The following DRC7 variants were observed in gnomAD, a reference collection of about 807,000 sequenced individuals.
The protein encoded by DRC7 is dynein regulatory complex subunit 7, also known as coiled-coil domain containing 135.
DRC7 carries 80 observed loss-of-function variants against 104.4 expected under a neutral mutation model. That is an observed-to-expected ratio of 0.77 (90% CI 0.64 to 0.92). The LOEUF is 0.92. DRC7 is among the 40% of genes least tolerant of loss of function. DRC7 has a pLI of 0.00. For missense variants in DRC7, 1,034 were observed against 1,141.1 expected (o/e 0.91, Z 1.35); for synonymous variants, 405 against 447.3 (o/e 0.91, Z 1.19).
At chr16:57,720,688 A>G (rs1597807605) in intron 9 of DRC7, among the ~76,000 whole-genome samples, 2 of 152,150 alleles carry the variant, frequency 1.3e-5, no homozygotes, top group African/African-American at 4.8e-5. Flanking sequence ...CATCTTAGAG[A>G]TTTTTGACAA....
intron 18 of DRC7, 25 bp downstream of exon 18, chr16:57,731,095 G>C (rs1223273127): frequency 1.4e-5 from 23 of 1,613,574 alleles, no homozygotes; most frequent in Non-Finnish European, 1.9e-5. Context: ...CAGGTGGAGA[G>C]AACCCACTGG....
chr16:57,699,202 A>T (rs1211803534), intron 4 of DRC7, among the ~76,000 whole-genome samples, 178 bp downstream of exon 4: 1 of 152,202 alleles, frequency 6.6e-6, no homozygotes, highest in Non-Finnish European at 1.5e-5. Context: ...CAGCAGGCTC[A>T]GTGCAGATTA....
intron 5 of DRC7, among the ~76,000 whole-genome samples, chr16:57,700,816 GTTCCTCACAGGCTGAGTACTATGGGGT>G (rs1276377004): frequency 6.6e-6 from 1 of 152,080 alleles, no homozygotes; most frequent in Non-Finnish European, 1.5e-5. Flanking sequence ...CCCTCCCCTG[GTTCCTCACAGGCTGAGTACTATGGGGT>G]CACAATCTTC....
intron 8 of DRC7, 51 bp from the exon 9 acceptor site, chr16:57,718,296 G>A (rs2048866005): frequency 6.3e-7 from 1 of 1,598,124 alleles, no homozygotes; most frequent in Admixed American, 1.7e-5. Context: ...GATCAGGTGG[G>A]GACGTGGTGG....
chr16:57,698,317 T>C (rs1312505748), intron 3 of DRC7, among the ~76,000 whole-genome samples, 165 bp downstream of exon 3: 1 of 152,008 alleles, frequency 6.6e-6, no homozygotes, highest in Non-Finnish European at 1.5e-5. Flanking sequence ...CGAGTGTCCA[T>C]GCTCTCCCAA....
At position 57,698,985 on chromosome 16, in the gene DRC7, G is replaced by C. The variant is rs149537030; in HGVS notation, c.339G>C (p.Val113=). 570 of 1,614,064 alleles carry C rather than the reference G, an allele frequency of 3.5e-4. No individual in the cohort carries two copies. Among genetic ancestry groups the C allele is most frequent in the Non-Finnish European group, 4.6e-4 (546 of 1,180,018 alleles). ...ACAGCCATCTGTGCCCGGACCGCGT[G>C]CCCCTCTTCCTGCACCCCCTGAACG... is the stretch of plus-strand genomic sequence containing the variant. ...RQYSHLCPDR[V]PLFLHPLNEC... The change falls in exon 4 of 19, where the codon GTG becomes GTC. Residue 113 remains valine, a synonymous_variant. Coordinates refer to ENST00000360716, the MANE Select transcript of DRC7 (RefSeq NM_001289162.2).
At chr16:57,718,871 C>T (rs1183892729) in intron 9 of DRC7, among the ~76,000 whole-genome samples, 1 of 151,996 alleles carries the variant, frequency 6.6e-6, no homozygotes, top group Admixed American at 6.6e-5. Context: ...CACCTGTTGT[C>T]CCAGCTACTT....
Position 57,697,802 on chromosome 16 carries a change from C to G in DRC7, c.-37-111C>G, listed in dbSNP as rs11865346. 3.4e-3 allele frequency: 4,136 copies of G among 1,225,710 alleles called. 99 individuals are homozygous for G. The African/African-American group carries it at 0.055, about 16-fold the overall frequency. 75.9% of individuals were successfully genotyped at this position (1,225,710 alleles called of 1,614,324 possible). On this transcript the variant is annotated intron_variant, in intron 2 of 18. Transcript: ENST00000360716. Reference sequence around the variant, plus strand: ...AAGAGGGAATCACTCCCTATGTGTTCGACACCTCCTCAAAACCATCTCCCA... The same window carrying G: ...AAGAGGGAATCACTCCCTATGTGTTGGACACCTCCTCAAAACCATCTCCCA...
intron 17 of DRC7, among the ~76,000 whole-genome samples, chr16:57,729,708 T>TA (rs1555576136): frequency 3.7e-5 from 2 of 53,592 alleles, no homozygotes; most frequent in Non-Finnish European, 3.1e-5. Flanking sequence ...GATGGATGGA[T>TA]GATGGATGGA....
chr16:57,731,505 G>T lies in DRC7; in HGVS notation c.*247G>T. 1 of 548,360 alleles carries T rather than the reference G, an allele frequency of 1.8e-6. No individual in the cohort carries two copies. Among genetic ancestry groups the T allele is most frequent in the South Asian group, 2.1e-5 (1 of 46,620 alleles). 34.0% of individuals were successfully genotyped at this position (548,360 alleles called of 1,614,324 possible). A position where few individuals can be genotyped will look rare whatever the true frequency, so the allele number is the denominator to read the frequency against. On this transcript the variant is annotated 3_prime_UTR_variant, in exon 19 of 19. Coordinates refer to ENST00000360716, the MANE Select transcript of DRC7 (RefSeq NM_001289162.2). ...CCAGCAGCAGCCTTTCTCTTCTTCT[G>T]TTATCTATAGCCTGGGACCACCCCC...
chr16:57,698,916 G>A lies in DRC7; in HGVS notation c.270G>A (p.Lys90=). The A allele has an allele frequency of 1.2e-6, 2 of 1,614,162 alleles. No homozygotes were observed. Among genetic ancestry groups the A allele is most frequent in the Non-Finnish European group, 8.5e-7 (1 of 1,180,014 alleles). Residue 90 remains lysine (K), a synonymous_variant, in exon 4 of 19, where the codon AAG becomes AAA. Coordinates refer to ENST00000360716, the MANE Select transcript of DRC7 (RefSeq NM_001289162.2). ...TTTCCTACAAAACCAACACACCCAA[G>A]GAGGAACACCTGCTGCAGGTGGCAG... The part of the protein sequence containing the change: ...LPISYKTNTP[K]EEHLLQVADN...
intron 4 of DRC7, 59 bp downstream of exon 4, chr16:57,699,083 C>G: frequency 6.4e-7 from 1 of 1,574,086 alleles, no homozygotes. Flanking sequence ...GCAGAGGGCA[C>G]AGGGAAGTGG....
intron 8 of DRC7, among the ~76,000 whole-genome samples, chr16:57,717,401 T>TAAA (rs56358409): frequency 6.7e-4 from 89 of 132,806 alleles, no homozygotes; most frequent in East Asian, 3.1e-3. Flanking sequence ...TGCACTGGCT[T>TAAA]AAAAAAAAAA....
At chr16:57,721,929 C>G (rs1171640150) in intron 10 of DRC7, among the ~76,000 whole-genome samples, 190 bp downstream of exon 10, 1 of 151,764 alleles carries the variant, frequency 6.6e-6, no homozygotes, top group South Asian at 2.1e-4. Flanking sequence ...GCTCTGACCC[C>G]GAGGGCCTGA....
chr16:57,700,001 T>C, intron 4 of DRC7, 144 bp from the exon 5 acceptor site: 5 of 926,558 alleles, frequency 5.4e-6, no homozygotes, highest in Non-Finnish European at 8.0e-6. Flanking sequence ...CAAGGGCTGC[T>C]CTGCCACCCC....
In DRC7 at chr16:57,724,254, G is replaced by A. The variant is rs540380047; in HGVS notation, c.1538-361G>A. On this transcript the variant is annotated intron_variant, in intron 12 of 18. Coordinates refer to ENST00000360716, the MANE Select transcript of DRC7 (RefSeq NM_001289162.2). ...GAACCCAGGTGGCGGAGACTGCGGT[G>A]AGCTGAGATCACACCACTGCACTCC... Among the ~76,000 whole-genome samples the A allele has an allele frequency of 4.0e-5, 6 of 148,356 alleles. No homozygotes were observed. In the South Asian group the frequency reaches 1.1e-3, roughly 26 times the overall value.
intron 12 of DRC7, among the ~76,000 whole-genome samples, chr16:57,724,196 G>A (rs1321806401): frequency 6.6e-6 from 1 of 151,232 alleles, no homozygotes; most frequent in Non-Finnish European, 1.5e-5. Context: ...TGTAGTCCCA[G>A]TTACTTGGGA....
At chr16:57,696,434 A>G (rs1294102056) in intron 1 of DRC7, 30 bp from the exon 2 acceptor site, 5 of 152,212 alleles carry the variant, frequency 3.3e-5, no homozygotes, top group African/African-American at 1.2e-4. Flanking sequence ...AGGGCTCCCC[A>G]ATCACTTCTG....
chr16:57,731,633 C>G lies in DRC7; in HGVS notation c.*375C>G, dbSNP rs1457629106. The G allele has an allele frequency of 3.9e-6, 1 of 254,762 alleles. No individual in the cohort carries two copies. Among genetic ancestry groups the G allele is most frequent in the Non-Finnish European group, 7.6e-6 (1 of 130,878 alleles). The allele number at this position is 254,762 out of a possible 1,614,324, so 15.8% of individuals were successfully genotyped here. ...TGGTCCCACAGCCATCTGCAAACAA[C>G]TGGTTATATCTCAATGTGACTAGGG... On this transcript the variant is annotated 3_prime_UTR_variant, in exon 19 of 19. Transcript: ENST00000360716.
Sources: gnomAD v4.1 joint callset for allele counts (sites outside exome capture counted in the v4.1 genomes callset) on GRCh38, gnomAD v4.1.1 for gene constraint, MANE v1.5 for transcripts, NCBI Gene and HGNC (gene_info 2026-07-23, HGNC 2026-07-21) for gene names.